TANGO6: variants seen among roughly 807,000 people sequenced by gnomAD.
TANGO6 encodes the protein transport and Golgi organization protein 6 homolog.
TANGO6 carries 90 observed loss-of-function variants against 114.2 expected under a neutral mutation model. The observed-to-expected ratio is 0.79, with a 90% CI of 0.66 to 0.94. TANGO6 has a LOEUF of 0.94. TANGO6 is among the 40% of genes least tolerant of loss of function. The pLI, the probability that TANGO6 is intolerant of heterozygous loss-of-function variation, is 0.00. For synonymous variants in TANGO6, 477 were observed against 509.8 expected (o/e 0.94, Z 0.87); for missense variants, 1,274 against 1,315.3 (o/e 0.97, Z 0.49).
intron 1 of TANGO6, among the ~76,000 whole-genome samples, chr16:68,848,416 A>G (rs1016506061): frequency 1.3e-5 from 2 of 152,150 alleles, no homozygotes; most frequent in Admixed American, 6.6e-5. Context: ...ACTATTAGCA[A>G]TTCAGAGCGT....
chr16:68,881,522 C>T (rs1962462429), intron 7 of TANGO6, among the ~76,000 whole-genome samples: 1 of 151,884 alleles, frequency 6.6e-6, no homozygotes, highest in African/African-American at 2.4e-5. Context: ...TCCAAACAAA[C>T]AAACAAAAAA....
intron 14 of TANGO6, among the ~76,000 whole-genome samples, chr16:68,935,269 G>A (rs1963289240): frequency 6.6e-6 from 1 of 152,102 alleles, no homozygotes; most frequent in South Asian, 2.1e-4. Context: ...TGGGGACTGT[G>A]TATTTTTAAA....
intron 15 of TANGO6, among the ~76,000 whole-genome samples, chr16:68,989,038 A>G (rs1963923373): frequency 6.6e-6 from 1 of 151,930 alleles, no homozygotes; most frequent in Admixed American, 6.6e-5. Context: ...TAATTTTTGT[A>G]TATTTTGTGG....
intron 13 of TANGO6, among the ~76,000 whole-genome samples, chr16:68,929,277 T>G (rs964966137): frequency 6.6e-6 from 1 of 152,252 alleles, no homozygotes. Flanking sequence ...TTGGAATTTT[T>G]TTTAGCTTAA....
chr16:68,902,328 G>T lies in TANGO6; in HGVS notation c.1491G>T (p.Arg497Ser). The change falls in exon 9 of 18, where the codon AGG becomes AGT. Residue 497 changes from arginine (R) to serine (S), a missense_variant and splice_region_variant. Transcript: ENST00000261778. ...CFTKQSVSHI[R>S]SLCQEILLWI... is the part of the protein sequence containing the mutation. ...CATTCATAACTGCTTTTTCTGCCAG[G>T]TCACTTTGCCAAGAAATCTTATTAT... The T allele has an allele frequency of 6.8e-6, 11 of 1,607,160 alleles. No homozygotes were observed. The highest frequency in any genetic ancestry group is 9.3e-6 in the Non-Finnish European group (11 of 1,177,236).
At chr16:68,929,358 A>G (rs1597025073) in intron 13 of TANGO6, among the ~76,000 whole-genome samples, 2 of 152,250 alleles carry the variant, frequency 1.3e-5, no homozygotes, top group East Asian at 3.9e-4. Context: ...AAGTCTTTCA[A>G]ATGTATCTTA....
intron 14 of TANGO6, among the ~76,000 whole-genome samples, chr16:68,931,650 C>T (rs1025093145): frequency 2.6e-5 from 4 of 152,136 alleles, no homozygotes; most frequent in Non-Finnish European, 5.9e-5. Context: ...CCACAAAATA[C>T]TATATTTTAT....
At chr16:68,844,528 G>A (rs1405336029) in intron 1 of TANGO6, among the ~76,000 whole-genome samples, 1 of 152,094 alleles carries the variant, frequency 6.6e-6, no homozygotes, top group Non-Finnish European at 1.5e-5. Context: ...GGATGGGAAG[G>A]GATCTGTAGA....
At chr16:68,916,660 G>A (rs1963009645) in intron 11 of TANGO6, among the ~76,000 whole-genome samples, 1 of 152,072 alleles carries the variant, frequency 6.6e-6, no homozygotes, top group Non-Finnish European at 1.5e-5. Context: ...GTGAGTCAGG[G>A]CAGGAATCCC....
At chr16:68,889,925 A>G (rs1040757735) in intron 7 of TANGO6, among the ~76,000 whole-genome samples, 2 of 152,222 alleles carry the variant, frequency 1.3e-5, no homozygotes, top group Admixed American at 1.3e-4. Context: ...CTTATGCAAT[A>G]TGTTCTGAAA....
chr16:69,011,422 G>A (rs191415278), intron 15 of TANGO6, among the ~76,000 whole-genome samples: 200 of 150,814 alleles, frequency 1.3e-3, no homozygotes, highest in Admixed American at 2.7e-3. Flanking sequence ...CTTGAAATTA[G>A]CAGGTCCTCT....
In TANGO6 at chr16:69,001,404, G is replaced by A. The variant is rs114857805; in HGVS notation, c.2843-21424G>A. 3.2e-3 allele frequency among the ~76,000 whole-genome samples: 482 copies of A among 152,212 alleles called. 4 individuals are homozygous for A. The highest frequency in any genetic ancestry group is 0.011 in the African/African-American group (467 of 41,526). ...TTATTTTTAAAAGATTATTAGTCAT[G>A]CACACTAAAAGGCACTAAAGTTTTT... On this transcript the variant is annotated intron_variant, in intron 15 of 17. Transcript: ENST00000261778.
At chr16:68,982,693 A>G (rs1200743012) in intron 15 of TANGO6, among the ~76,000 whole-genome samples, 1 of 135,266 alleles carries the variant, frequency 7.4e-6, no homozygotes, top group Non-Finnish European at 1.5e-5. Context: ...GCTGGTCTCG[A>G]ACTCCTGGGC....
intron 17 of TANGO6, among the ~76,000 whole-genome samples, chr16:69,074,845 T>A (rs952977392): frequency 1.3e-5 from 2 of 150,678 alleles, no homozygotes; most frequent in Non-Finnish European, 3.0e-5. Flanking sequence ...TGTGTATAAT[T>A]ATTATTATTA....
chr16:68,980,435 A>ATATATTTTTTT (rs1317961639), intron 15 of TANGO6, among the ~76,000 whole-genome samples: 3 of 61,778 alleles, frequency 4.9e-5, no homozygotes, highest in Non-Finnish European at 8.8e-5. Flanking sequence ...ATATATATAT[A>ATATATTTTTTT]TTTTTTTTTT....
chr16:69,009,131 G>A (rs575045365), intron 15 of TANGO6, among the ~76,000 whole-genome samples: 2 of 142,498 alleles, frequency 1.4e-5, no homozygotes, highest in South Asian at 2.2e-4. Context: ...GCCCAGGCTG[G>A]AGTGCAGTGG....
intron 14 of TANGO6, among the ~76,000 whole-genome samples, chr16:68,946,011 T>TC (rs1262078615): frequency 1.3e-5 from 2 of 152,000 alleles, no homozygotes; most frequent in South Asian, 2.1e-4. Context: ...ATTTTTTTTT[T>TC]CCTTCCTATC....
At chr16:69,018,697 C>T (rs1414166779) in intron 15 of TANGO6, among the ~76,000 whole-genome samples, 1 of 151,018 alleles carries the variant, frequency 6.6e-6, no homozygotes, top group Non-Finnish European at 1.5e-5. Context: ...CCGAGGCGGG[C>T]GGATCACGAG....
At chr16:68,976,665 AAATC>A (rs1450545185) in intron 15 of TANGO6, among the ~76,000 whole-genome samples, 4 of 152,238 alleles carry the variant, frequency 2.6e-5, no homozygotes, top group Admixed American at 6.5e-5. Flanking sequence ...AAAATAAGGC[AAATC>A]AATCATACAG....
Sources: gnomAD v4.1 joint callset for allele counts (sites outside exome capture counted in the v4.1 genomes callset) on GRCh38, gnomAD v4.1.1 for gene constraint, MANE v1.5 for transcripts, NCBI Gene and HGNC (gene_info 2026-07-23, HGNC 2026-07-21) for gene names.